ADAM22: variants seen among roughly 807,000 people sequenced by gnomAD.
ADAM22 encodes the protein disintegrin and metalloproteinase domain-containing protein 22.
In ADAM22, 65 loss-of-function variants were observed where a neutral mutation model predicts 144.6. The observed-to-expected ratio is 0.45, with a 90% CI of 0.37 to 0.55. ADAM22 has a LOEUF of 0.55. Among genes scored for constraint, ADAM22 ranks in the 20% least tolerant of loss-of-function variants. The pLI is 0.00. For missense variants in ADAM22, 974 were observed against 1,184.9 expected (o/e 0.82, Z 2.61); for synonymous variants, 391 against 412.6 (o/e 0.95, Z 0.63).
At chr7:88,181,637 A>G in intron 28 of ADAM22, 32 bp downstream of exon 28, 1 of 1,578,946 alleles carries the variant, frequency 6.3e-7, no homozygotes, top group Non-Finnish European at 8.7e-7. Context: ...CTGTCTGTCC[A>G]CATAATCAAG....
intron 3 of ADAM22, among the ~76,000 whole-genome samples, chr7:88,006,653 C>T (rs561006685): frequency 2.7e-5 from 4 of 147,432 alleles, no homozygotes; most frequent in East Asian, 2.0e-4. Context: ...ACAAAAACCA[C>T]ATGATTATCT....
chr7:88,166,772 T>C (rs117125047), intron 24 of ADAM22, among the ~76,000 whole-genome samples: 3,184 of 152,186 alleles, frequency 0.021, 60 homozygotes, highest in Non-Finnish European at 0.031. Context: ...GTGTGGAGCT[T>C]GTTCCAGTAA....
rs370042671 is a variant in ADAM22 at position 88,111,984 on chromosome 7, T to C, written c.474-2600T>C. Among the ~76,000 whole-genome samples, 13 of 152,360 alleles carry C rather than the reference T, an allele frequency of 8.5e-5. 1 individual carries two copies. The East Asian group carries it at 1.5e-3, about 18-fold the overall frequency. On this transcript the variant is annotated intron_variant, in intron 5 of 31. Transcript: ENST00000413139. ...GGATAAATAACACTCAGTACTATTT[T>C]AAGAAAATAATCTGCTTGCTACTTT... is the stretch of plus-strand genomic sequence containing the variant.
intron 3 of ADAM22, among the ~76,000 whole-genome samples, chr7:88,013,921 A>G (rs1796005540): frequency 6.6e-6 from 1 of 152,236 alleles, no homozygotes; most frequent in African/African-American, 2.4e-5. Flanking sequence ...ATTCATGGAA[A>G]GGATAAATAT....
chr7:88,030,877 G>A (rs1420272855), intron 3 of ADAM22, among the ~76,000 whole-genome samples: 2 of 152,200 alleles, frequency 1.3e-5, no homozygotes, highest in Non-Finnish European at 2.9e-5. Context: ...AGCACTTTGG[G>A]AGGCCAAGGT....
At chr7:88,050,389 C>A (rs1394460436) in intron 3 of ADAM22, among the ~76,000 whole-genome samples, 1 of 150,028 alleles carries the variant, frequency 6.7e-6, no homozygotes, top group Non-Finnish European at 1.5e-5. Flanking sequence ...CAGAGTGAGA[C>A]CCTGTCTCAA....
intron 3 of ADAM22, among the ~76,000 whole-genome samples, 162 bp from the exon 4 acceptor site, chr7:88,075,464 C>CTG (rs371215965): frequency 0.012 from 1,589 of 131,920 alleles, 26 homozygotes; most frequent in African/African-American, 0.042. Context: ...GTGTGTGTGT[C>CTG]TGTGTGTGTG....
intron 3 of ADAM22, among the ~76,000 whole-genome samples, chr7:88,015,815 G>A (rs1796424692): frequency 6.6e-6 from 1 of 152,120 alleles, no homozygotes; most frequent in African/African-American, 2.4e-5. Flanking sequence ...AATTTGTGGG[G>A]AGCAGAGGCA....
intron 14 of ADAM22, among the ~76,000 whole-genome samples, chr7:88,140,421 A>G (rs1834263351): frequency 6.6e-6 from 1 of 152,192 alleles, no homozygotes; most frequent in Admixed American, 6.5e-5. Flanking sequence ...TTATTACATA[A>G]AAGTTGAACC....
rs538073135 is a variant in ADAM22 at position 87,994,867 on chromosome 7, G to A, written c.323+16455G>A. Among the ~76,000 whole-genome samples, 9 of 151,568 alleles carry A rather than the reference G, an allele frequency of 5.9e-5. 2 individuals are homozygous for A. The South Asian group carries it at 1.7e-3, about 28-fold the overall frequency. ...TTTGGAGACGGAGTCTTGCTCTGTC[G>A]CCCAGGCTGGAGTGCAGTGGCGCGA... On this transcript the variant is annotated intron_variant, in intron 3 of 31. Coordinates refer to ENST00000413139, the MANE Select transcript of ADAM22 (RefSeq NM_001324418.2).
chr7:88,053,060 C>T (rs554189720), intron 3 of ADAM22, among the ~76,000 whole-genome samples: 10 of 152,146 alleles, frequency 6.6e-5, no homozygotes, highest in Admixed American at 1.3e-4. Context: ...TCCAGTTCCC[C>T]CTTTGAGCAA....
chr7:88,025,990 T>C (rs903328059), intron 3 of ADAM22, among the ~76,000 whole-genome samples: 1 of 152,142 alleles, frequency 6.6e-6, no homozygotes, highest in African/African-American at 2.4e-5. Flanking sequence ...TTTTCATTTT[T>C]TGTGTGTGTG....
intron 3 of ADAM22, among the ~76,000 whole-genome samples, chr7:88,027,191 C>CT (rs1279074739): frequency 3.3e-5 from 5 of 152,012 alleles, no homozygotes; most frequent in Admixed American, 3.3e-4. Context: ...CTGTATTTTT[C>CT]TTTTTTTGAC....
At chr7:87,989,842 G>T (rs1789366382) in intron 3 of ADAM22, among the ~76,000 whole-genome samples, 1 of 152,180 alleles carries the variant, frequency 6.6e-6, no homozygotes, top group African/African-American at 2.4e-5. Flanking sequence ...CTTGAACCTG[G>T]GAGGTGGAGT....
chr7:88,087,149 T>A (rs1371009079), intron 4 of ADAM22, among the ~76,000 whole-genome samples: 1 of 152,206 alleles, frequency 6.6e-6, no homozygotes, highest in Non-Finnish European at 1.5e-5. Flanking sequence ...ATATTTTATA[T>A]ACTATACAAT....
At chr7:88,018,739 C>A (rs755698686) in intron 3 of ADAM22, among the ~76,000 whole-genome samples, 15 of 152,168 alleles carry the variant, frequency 9.9e-5, no homozygotes, top group Non-Finnish European at 1.5e-4. Context: ...AAAGTGAGAA[C>A]ATGAAAATCC....
At chr7:88,172,294 G>A (rs532476272) in intron 26 of ADAM22, among the ~76,000 whole-genome samples, 1 of 151,800 alleles carries the variant, frequency 6.6e-6, no homozygotes, top group African/African-American at 2.4e-5. Context: ...CATAATATTG[G>A]AATGCACTCT....
At chr7:87,974,374 G>T (rs1396573213) in intron 2 of ADAM22, among the ~76,000 whole-genome samples, 1 of 151,842 alleles carries the variant, frequency 6.6e-6, no homozygotes, top group African/African-American at 2.4e-5. Flanking sequence ...CTATTTATCA[G>T]CCAGAAACAT....
At chr7:88,081,254 A>C (rs1410922787) in intron 4 of ADAM22, among the ~76,000 whole-genome samples, 1 of 152,166 alleles carries the variant, frequency 6.6e-6, no homozygotes, top group Non-Finnish European at 1.5e-5. Flanking sequence ...TGATTATCTC[A>C]ATAGATGCAG....
Sources: allele counts gnomAD v4.1 joint callset (sites outside exome capture counted in the v4.1 genomes callset), GRCh38; gene constraint gnomAD v4.1.1; transcripts MANE v1.5; gene names NCBI Gene and HGNC (gene_info 2026-07-23, HGNC 2026-07-21).